Variants in ZNF516 observed in about 807,000 individuals in gnomAD.
The protein encoded by ZNF516 is zinc finger protein 516.
A neutral mutation model predicts 79.7 loss-of-function variants in ZNF516; 19 were observed. The observed-to-expected ratio is 0.24, with a 90% CI of 0.17 to 0.35. The LOEUF (loss-of-function observed/expected upper bound fraction) is 0.35. Among genes scored for constraint, ZNF516 ranks in the 10% least tolerant of loss-of-function variants. ZNF516 has a pLI of 1.00. For missense variants in ZNF516, 1,678 were observed against 1,679.5 expected, an observed-to-expected ratio of 1.00 and a Z score of 0.02; for synonymous variants, 877 against 739.5, an observed-to-expected ratio of 1.19 and a Z score of -3.02.
intron 4 of ZNF516, among the ~76,000 whole-genome samples, chr18:76,373,126 G>A (rs574929671): frequency 4.5e-4 from 68 of 152,198 alleles, no homozygotes; most frequent in Non-Finnish European, 7.2e-4. Flanking sequence ...CTCCAGCCTA[G>A]GTGACAGAGT....
chr18:76,411,200 C>T (rs1162025098), intron 3 of ZNF516, among the ~76,000 whole-genome samples: 2 of 152,190 alleles, frequency 1.3e-5, no homozygotes, highest in African/African-American at 4.8e-5. Context: ...AGGGGCTACT[C>T]ACGAAGGACT....
At chr18:76,433,655 T>C (rs1199662056) in intron 3 of ZNF516, among the ~76,000 whole-genome samples, 5 of 152,076 alleles carry the variant, frequency 3.3e-5, no homozygotes, top group Admixed American at 2.0e-4. Flanking sequence ...GAAATGCATA[T>C]GGAGCTGGGA....
rs373540251 is a variant in ZNF516, at chr18:76,360,646, A to AAAAAAAAAT, written c.*1851_*1852insATTTTTTTT. 2.7e-3 allele frequency: 195 copies of AAAAAAAAAT among 72,396 alleles called. No individual in the cohort carries two copies. The highest frequency in any genetic ancestry group is 3.1e-3 in the African/African-American group (50 of 16,368). 4.5% of individuals were successfully genotyped at this position (72,396 alleles called of 1,614,324 possible). ...AAAAAAATAAGTAAAAAAAAAAAAA[A>AAAAAAAAAT]ATATATATATATATATATATATATA... On this transcript the variant is annotated 3_prime_UTR_variant, in exon 7 of 7. Coordinates refer to ENST00000443185, the MANE Select transcript of ZNF516 (RefSeq NM_014643.4).
At chr18:76,414,467 T>C (rs1476066510) in intron 3 of ZNF516, among the ~76,000 whole-genome samples, 1 of 152,216 alleles carries the variant, frequency 6.6e-6, no homozygotes, top group Non-Finnish European at 1.5e-5. Flanking sequence ...CAGCTGGCAA[T>C]ACAGGCAATG....
At chr18:76,383,821 A>G (rs981277063) in intron 3 of ZNF516, among the ~76,000 whole-genome samples, 10 of 152,234 alleles carry the variant, frequency 6.6e-5, no homozygotes, top group African/African-American at 2.2e-4. Flanking sequence ...TCAGTAAGCC[A>G]CAGAACAGAC....
intron 3 of ZNF516, among the ~76,000 whole-genome samples, chr18:76,421,742 T>C (rs1239655253): frequency 6.6e-6 from 1 of 152,250 alleles, no homozygotes; most frequent in Non-Finnish European, 1.5e-5. Context: ...CACCTATGTT[T>C]TGCCAACACC....
intron 1 of ZNF516, among the ~76,000 whole-genome samples, chr18:76,478,843 G>T (rs1387915530): frequency 2.0e-5 from 3 of 152,124 alleles, no homozygotes; most frequent in Admixed American, 1.3e-4. Flanking sequence ...ATCCCTTGAG[G>T]TCAGGAGTTC....
chr18:76,492,756 G>A (rs1353965705), intron 1 of ZNF516: 1 of 985,600 alleles, frequency 1.0e-6, no homozygotes, highest in Non-Finnish European at 1.2e-6. Flanking sequence ...CCCTTCTGCA[G>A]GTTCCGACCT....
At chr18:76,495,661 G>A (rs779392569), upstream of ZNF516, 4 of 1,127,470 alleles carry the variant, frequency 3.5e-6, no homozygotes, top group East Asian at 1.8e-4. Flanking sequence ...GCTCCCGGAG[G>A]CCGTTTCCGC....
Position 76,361,688 on chromosome 18 carries a change from C to G in ZNF516, c.*810G>C, listed in dbSNP as rs183520864. The G allele has an allele frequency of 2.6e-5, 4 of 152,302 alleles. No individual in the cohort carries two copies. The highest frequency in any genetic ancestry group is 3.9e-4 in the East Asian group (2 of 5,184). The allele number at this position is 152,302 out of a possible 1,614,324, so 9.4% of individuals were successfully genotyped here. ...TGTAAGCAGTTTGCAGAATGTAGCCCTGTTACAAAAAGGTCCTGAGAATAA... is the reference window on the plus strand; with the variant it reads ...TGTAAGCAGTTTGCAGAATGTAGCCGTGTTACAAAAAGGTCCTGAGAATAA... On this transcript the variant is annotated 3_prime_UTR_variant, in exon 7 of 7. Transcript: ENST00000443185.
chr18:76,472,714 C>T (rs868270655), intron 1 of ZNF516, among the ~76,000 whole-genome samples: 33 of 152,308 alleles, frequency 2.2e-4, no homozygotes, highest in African/African-American at 7.2e-4. Context: ...TCCGGTCAAA[C>T]AGGATGGCTC....
At chr18:76,418,145 TAACA>T (rs1231573307) in intron 3 of ZNF516, among the ~76,000 whole-genome samples, 3 of 152,026 alleles carry the variant, frequency 2.0e-5, no homozygotes, top group African/African-American at 7.2e-5. Context: ...ACATACACAG[TAACA>T]TACACAGTAA....
intron 2 of ZNF516, among the ~76,000 whole-genome samples, chr18:76,450,306 G>A (rs1029098531): frequency 2.0e-5 from 3 of 151,866 alleles, no homozygotes; most frequent in Admixed American, 1.3e-4. Context: ...CAGCTCTGAG[G>A]GACCTGGTAG....
chr18:76,479,732 T>C (rs1177109165), intron 1 of ZNF516, among the ~76,000 whole-genome samples: 1 of 152,208 alleles, frequency 6.6e-6, no homozygotes, highest in Non-Finnish European at 1.5e-5. Context: ...GGGCCCTCTG[T>C]TGCAAGAGTG....
At chr18:76,453,889 G>A (rs138831943) in intron 2 of ZNF516, among the ~76,000 whole-genome samples, 131 of 152,274 alleles carry the variant, frequency 8.6e-4, no homozygotes, top group African/African-American at 3.1e-3. Flanking sequence ...TATATACTAT[G>A]CCATGTAAAC....
At chr18:76,434,045 T>C (rs2075698305) in intron 3 of ZNF516, among the ~76,000 whole-genome samples, 2 of 150,796 alleles carry the variant, frequency 1.3e-5, no homozygotes, top group African/African-American at 4.8e-5. Flanking sequence ...CTCTGGCCGT[T>C]GCTGTCCGTT....
chr18:76,395,693 C>T (rs1436109266), intron 3 of ZNF516, among the ~76,000 whole-genome samples: 1 of 151,748 alleles, frequency 6.6e-6, no homozygotes, highest in African/African-American at 2.4e-5. Flanking sequence ...CTGGAGGCCA[C>T]GCATTCTAGA....
chr18:76,444,109 G>T (rs1034531448), intron 2 of ZNF516, among the ~76,000 whole-genome samples: 1 of 152,226 alleles, frequency 6.6e-6, no homozygotes, highest in African/African-American at 2.4e-5. Flanking sequence ...AAGGAGAAAA[G>T]CAACTCTTCA....
At chr18:76,446,447 G>A (rs1912054824) in intron 2 of ZNF516, among the ~76,000 whole-genome samples, 1 of 152,250 alleles carries the variant, frequency 6.6e-6, no homozygotes, top group African/African-American at 2.4e-5. Flanking sequence ...GGCATCCTGG[G>A]CCATGACCAC....
Sources: allele counts gnomAD v4.1 joint callset (sites outside exome capture counted in the v4.1 genomes callset), GRCh38; gene constraint gnomAD v4.1.1; transcripts MANE v1.5; gene names NCBI Gene and HGNC (gene_info 2026-07-23, HGNC 2026-07-21).